The following IL1RAPL2 variants were observed in gnomAD, a reference collection of about 807,000 sequenced individuals.
IL1RAPL2 encodes interleukin 1 receptor accessory protein like 2.
IL1RAPL2 carries 3 observed loss-of-function variants against 44.1 expected under a neutral mutation model. That is an observed-to-expected ratio of 0.07 (90% confidence interval 0.03 to 0.18). The LOEUF (loss-of-function observed/expected upper bound fraction) is 0.18. Ranked by LOEUF, IL1RAPL2 falls within the 10% of genes least tolerant of loss-of-function variation. The probability of loss-of-function intolerance (pLI) is 1.00; values close to 1 mark genes in which losing one functional copy is unlikely to be tolerated. For synonymous variants in IL1RAPL2, 181 were observed against 178.8 expected (o/e 1.01, Z -0.10); for missense variants, 391 against 496.4 (o/e 0.79, Z 2.02).
intron 2 of IL1RAPL2, among the ~76,000 whole-genome samples, chrX:105,055,696 T>C (rs757650956): frequency 8.0e-5 from 9 of 111,962 alleles, no homozygotes; most frequent in Non-Finnish European, 1.7e-4. Flanking sequence ...GTCTGTGAAT[T>C]TGATGTACAG....
chrX:104,731,623 G>A (rs1325306845), intron 2 of IL1RAPL2, among the ~76,000 whole-genome samples: 1 of 111,234 alleles, frequency 9.0e-6, no homozygotes, highest in Non-Finnish European at 1.9e-5. Flanking sequence ...GTTTGGTCTC[G>A]AACTCCTGAC....
chrX:105,531,839 G>A (rs1025150682), intron 6 of IL1RAPL2, among the ~76,000 whole-genome samples: 9 of 111,515 alleles, frequency 8.1e-5, no homozygotes, highest in Admixed American at 2.9e-4. Flanking sequence ...TTTGTTCTTG[G>A]CATCTTTTCC....
intron 2 of IL1RAPL2, among the ~76,000 whole-genome samples, chrX:104,953,173 A>G (rs1294983944): frequency 1.8e-5 from 2 of 111,645 alleles, no homozygotes; most frequent in Admixed American, 1.9e-4. Flanking sequence ...TACTTTGTTC[A>G]TGGCAGAGAG....
chrX:105,720,396 A>C (rs1172731002), intron 7 of IL1RAPL2, among the ~76,000 whole-genome samples: 1 of 95,218 alleles, frequency 1.1e-5, no homozygotes, highest in Non-Finnish European at 2.0e-5. Context: ...GGGATCTTCT[A>C]TCACTATAAA....
chrX:104,628,848 A>C (rs1293714004), intron 1 of IL1RAPL2, among the ~76,000 whole-genome samples: 3 of 112,317 alleles, frequency 2.7e-5, no homozygotes, highest in Non-Finnish European at 5.6e-5. Context: ...ATGCATAAAA[A>C]TATGTGCACA....
rs1444707127 is a variant in IL1RAPL2, at chrX:104,585,281, T to A, written c.-20+18230T>A. On this transcript the variant is annotated intron_variant, in intron 1 of 10. Transcript: ENST00000372582. Reference sequence around the variant, plus strand: ...TATATATATAATATATTATATATATTATATAATATATTATATATTATATAT... The same window carrying A: ...TATATATATAATATATTATATATATAATATAATATATTATATATTATATAT... Among the ~76,000 whole-genome samples, 23 of 18,615 alleles carry A rather than the reference T, an allele frequency of 1.2e-3. 2 individuals carry two copies. Among genetic ancestry groups the A allele is most frequent in the African/African-American group, 0.011 (22 of 1,970 alleles). 16.2% of individuals were successfully genotyped at this position (18,615 alleles called of 115,157 possible). A position where few individuals can be genotyped will look rare whatever the true frequency, so the allele number is the denominator to read the frequency against.
chrX:105,328,227 A>C (rs1486938772), intron 5 of IL1RAPL2, among the ~76,000 whole-genome samples: 1 of 112,248 alleles, frequency 8.9e-6, no homozygotes, highest in East Asian at 2.8e-4. Context: ...AAGTTGTAAC[A>C]GTCCTCACAT....
intron 3 of IL1RAPL2, among the ~76,000 whole-genome samples, chrX:105,201,935 T>C (rs57612263): frequency 8.9e-6 from 1 of 111,771 alleles, no homozygotes; most frequent in Non-Finnish European, 1.9e-5. Flanking sequence ...CGAAATGAAA[T>C]GTAATTAGTT....
At chrX:105,002,235 A>T (rs1192238378) in intron 2 of IL1RAPL2, among the ~76,000 whole-genome samples, 6 of 111,513 alleles carry the variant, frequency 5.4e-5, no homozygotes, top group Non-Finnish European at 1.1e-4. Context: ...ACAAAGGGAG[A>T]GCTATTCAAG....
chrX:104,723,243 GTGAAGTATCACCACTGAT>G (rs2147565319), intron 2 of IL1RAPL2, among the ~76,000 whole-genome samples: 1 of 111,670 alleles, frequency 9.0e-6, no homozygotes, highest in South Asian at 3.7e-4. Context: ...AAGTTGAAGG[GTGAAGTATCACCACTGAT>G]TGTAGAAAAT....
At chrX:105,042,330 T>G (rs1177258438) in intron 2 of IL1RAPL2, among the ~76,000 whole-genome samples, 1 of 110,359 alleles carries the variant, frequency 9.1e-6, no homozygotes, top group Non-Finnish European at 1.9e-5. Flanking sequence ...TCTACTCATC[T>G]GACAAAGGGC....
At chrX:105,607,635 CAAAAAAAAAAAAAAAAAA>C (rs11377516) in intron 6 of IL1RAPL2, among the ~76,000 whole-genome samples, 1 of 15,726 alleles carries the variant, frequency 6.4e-5, no homozygotes, top group Non-Finnish European at 1.1e-4. Flanking sequence ...ATTCAGCAGA[CAAAAAAAAAAAAAAAAAA>C]AAAAAAAAAA....
chrX:105,511,440 GCT>G (rs2036469097), intron 6 of IL1RAPL2, among the ~76,000 whole-genome samples: 1 of 111,099 alleles, frequency 9.0e-6, no homozygotes, highest in Non-Finnish European at 1.9e-5. Context: ...TACAAAAAGA[GCT>G]CTTATAGACC....
chrX:104,636,078 G>C (rs1163670563), intron 1 of IL1RAPL2, among the ~76,000 whole-genome samples: 1 of 112,281 alleles, frequency 8.9e-6, no homozygotes, highest in Non-Finnish European at 1.9e-5. Context: ...ACCCTCAGCT[G>C]CAAGTCTGTT....
At chrX:105,157,442 C>G (rs1457015449) in intron 2 of IL1RAPL2, among the ~76,000 whole-genome samples, 2 of 112,324 alleles carry the variant, frequency 1.8e-5, no homozygotes, top group East Asian at 5.6e-4. Context: ...CAGGCTCATC[C>G]TCTCAATTTT....
At chrX:104,745,584 A>G (rs753457767) in intron 2 of IL1RAPL2, among the ~76,000 whole-genome samples, 78 of 112,524 alleles carry the variant, frequency 6.9e-4, no homozygotes, top group Non-Finnish European at 1.0e-3. Context: ...TTAATCAGGT[A>G]CAAATATTAA....
chrX:104,860,847 T>G (rs1194302453), intron 2 of IL1RAPL2, among the ~76,000 whole-genome samples: 1 of 111,283 alleles, frequency 9.0e-6, no homozygotes, highest in African/African-American at 3.3e-5. Flanking sequence ...AATCCAGGAT[T>G]GTAATAATGT....
chrX:105,355,421 C>A (rs1428169131), intron 5 of IL1RAPL2, among the ~76,000 whole-genome samples: 2 of 111,403 alleles, frequency 1.8e-5, no homozygotes, highest in Non-Finnish European at 3.8e-5. Context: ...ACACTGCCTG[C>A]AATACTCTTC....
chrX:104,686,326 G>C (rs7060170), intron 2 of IL1RAPL2, among the ~76,000 whole-genome samples: 6,155 of 112,131 alleles, frequency 0.055, 443 homozygotes, highest in African/African-American at 0.19. Flanking sequence ...AGAGGAACCA[G>C]ATGTAACCGA....
Sources: gnomAD v4.1 joint callset for allele counts (sites outside exome capture counted in the v4.1 genomes callset) on GRCh38, gnomAD v4.1.1 for gene constraint, MANE v1.5 for transcripts, NCBI Gene and HGNC (gene_info 2026-07-23, HGNC 2026-07-21) for gene names.